The following HPS4 variants were observed in gnomAD, a reference collection of about 807,000 sequenced individuals.
HPS4 encodes the protein BLOC-3 complex member HPS4.
Under a neutral mutation model 70.3 loss-of-function variants are expected in HPS4, and 44 were observed. The ratio of observed to expected loss-of-function variants is 0.63; its 90% confidence interval spans 0.49 to 0.80. The LOEUF is 0.80. Ranked by LOEUF, HPS4 falls within the 30% of genes least tolerant of loss-of-function variation. The probability of loss-of-function intolerance (pLI) is 0.00; values close to 1 mark genes in which losing one functional copy is unlikely to be tolerated. For missense variants in HPS4, 873 were observed against 884.4 expected (o/e 0.99, Z 0.16); for synonymous variants, 377 against 355.9 (o/e 1.06, Z -0.67).
chr22:26,446,442 C>T (rs560939673), downstream of HPS4, among the ~76,000 whole-genome samples: 63 of 152,212 alleles, frequency 4.1e-4, 2 homozygotes, highest in South Asian at 0.013. Context: ...TGTGGCTGCA[C>T]GATGCAGTCA....
chr22:26,443,193 C>T, downstream of HPS4: 1 of 1,614,086 alleles, frequency 6.2e-7, no homozygotes. Context: ...TTCATCTTTG[C>T]TCCGGGACGA....
In HPS4 at chr22:26,465,593, CAG is replaced by C. The variant is rs758535034; in HGVS notation, c.707-44_707-43del. 2.0e-6 allele frequency: 3 copies of C among 1,523,592 alleles called. No individual in the cohort carries two copies. The South Asian group carries it at 3.4e-5, about 17-fold the overall frequency. The allele number at this position is 1,523,592 out of a possible 1,614,324, so 94.4% of individuals were successfully genotyped here. ...ATATGAACAGGACTTTCCCCTGAGCCAGAGAGGGCAGCGGGGCAATAGCTGCA... is the reference window on the plus strand; with the variant it reads ...ATATGAACAGGACTTTCCCCTGAGCCAGAGGGCAGCGGGGCAATAGCTGCA... On this transcript the variant is annotated intron_variant, in intron 9 of 13. Transcript: ENST00000398145.
chr22:26,467,210 T>C (rs918611661), intron 8 of HPS4: 2 of 152,244 alleles, frequency 1.3e-5, no homozygotes, highest in Non-Finnish European at 1.5e-5. Context: ...ATGAGTAAAT[T>C]AATCATTTAC....
At chr22:26,477,241 C>A in intron 3 of HPS4, 105 bp from the exon 4 acceptor site, 1 of 1,200,180 alleles carries the variant, frequency 8.3e-7, no homozygotes. Flanking sequence ...GTCTGTTACC[C>A]GTTTTCCTAT....
chr22:26,446,898 T>C (rs1295436385), downstream of HPS4, among the ~76,000 whole-genome samples: 1 of 152,168 alleles, frequency 6.6e-6, no homozygotes, highest in Non-Finnish European at 1.5e-5. Flanking sequence ...TGGCTAATTC[T>C]TGTATTTTTA....
downstream of HPS4, among the ~76,000 whole-genome samples, chr22:26,449,448 G>A (rs1190443524): frequency 6.0e-5 from 9 of 150,610 alleles, no homozygotes; most frequent in Non-Finnish European, 8.8e-5. Flanking sequence ...CTCCGGCTTC[G>A]GCCTCCCGAG....
At chr22:26,458,050 G>C (rs1204174189) in intron 12 of HPS4, 83 bp from the exon 13 acceptor site, 3 of 1,145,896 alleles carry the variant, frequency 2.6e-6, no homozygotes, top group Non-Finnish European at 3.8e-6. Context: ...ACTGAACACG[G>C]GGACTGAGCA....
intron 11 of HPS4, among the ~76,000 whole-genome samples, chr22:26,461,074 G>C (rs1251650629): frequency 4.6e-5 from 7 of 152,214 alleles, no homozygotes; most frequent in African/African-American, 1.4e-4. Flanking sequence ...AGGCAACACA[G>C]AGCTGAGGCT....
At chr22:26,460,981 T>G (rs1268795113) in intron 11 of HPS4, among the ~76,000 whole-genome samples, 1 of 152,178 alleles carries the variant, frequency 6.6e-6, no homozygotes, top group African/African-American at 2.4e-5. Flanking sequence ...AAGCTGAAAA[T>G]ATTTGCTTTC....
chr22:26,470,827 G>A lies in HPS4; in HGVS notation c.502-14C>T. 3 of 1,614,106 alleles carry A rather than the reference G, an allele frequency of 1.9e-6. No individual in the cohort carries two copies. Among genetic ancestry groups the A allele is most frequent in the Non-Finnish European group, 2.5e-6 (3 of 1,179,988 alleles). ...CAGGGGCTCCACCTGTGCAGGGCAA[G>A]AGGCATCATGCCCACCCATCAGCAT... is the stretch of plus-strand genomic sequence containing the variant. On this transcript the variant is annotated splice_polypyrimidine_tract_variant and intron_variant, in intron 6 of 13. Transcript: ENST00000398145.
chr22:26,477,084 C>A lies in HPS4; in HGVS notation c.185G>T (p.Arg62Leu), dbSNP rs777170572. 1 of 1,614,072 alleles carries A rather than the reference C, an allele frequency of 6.2e-7. No homozygotes were observed. Among genetic ancestry groups the A allele is most frequent in the Non-Finnish European group, 8.5e-7 (1 of 1,179,944 alleles). ...AGAGTCAGAAATGTCAGAAACACAG[C>A]GGACAACTCCAGCAATCTGTCCACA... ...LLCGQIAGVV[R>L]CVSDISDSPP... is the part of the protein sequence containing the mutation. Residue 62 changes from arginine to leucine, a missense_variant, in exon 4 of 14, where the codon CGC becomes CTC. Coordinates refer to ENST00000398145, the MANE Select transcript of HPS4 (RefSeq NM_022081.6).
At chr22:26,447,088 C>G (rs2084977728), downstream of HPS4, among the ~76,000 whole-genome samples, 1 of 152,214 alleles carries the variant, frequency 6.6e-6, no homozygotes, top group South Asian at 2.1e-4. Flanking sequence ...ACCATAACAT[C>G]CCCATGCTCA....
chr22:26,462,695 A>G (rs1235317118), intron 11 of HPS4, among the ~76,000 whole-genome samples: 1 of 152,196 alleles, frequency 6.6e-6, no homozygotes, highest in Non-Finnish European at 1.5e-5. Context: ...AAGGCTCGAC[A>G]CTGTGCAGAA....
chr22:26,472,727 G>A (rs796763715), intron 5 of HPS4, 105 bp downstream of exon 5: 2 of 913,788 alleles, frequency 2.2e-6, no homozygotes, highest in East Asian at 2.4e-5. Flanking sequence ...CAGACACAAT[G>A]TGTTTATATG....
At chr22:26,455,025 C>T (rs2085848131) in intron 13 of HPS4, among the ~76,000 whole-genome samples, 1 of 152,196 alleles carries the variant, frequency 6.6e-6, no homozygotes, top group Non-Finnish European at 1.5e-5. Context: ...ATCAAAACCA[C>T]AATGAGATAC....
chr22:26,472,646 G>A (rs2089996071), intron 5 of HPS4, among the ~76,000 whole-genome samples, 186 bp downstream of exon 5: 1 of 152,208 alleles, frequency 6.6e-6, no homozygotes, highest in Non-Finnish European at 1.5e-5. Context: ...TAAACATTTG[G>A]AATAAATGTG....
chr22:26,478,608 T>C (rs1000071036), intron 3 of HPS4, among the ~76,000 whole-genome samples: 4 of 150,726 alleles, frequency 2.7e-5, no homozygotes, highest in African/African-American at 7.3e-5. Context: ...GTATTGATAA[T>C]TGTTGAAGCT....
chr22:26,465,965 G>T, intron 9 of HPS4: 2 of 1,154,046 alleles, frequency 1.7e-6, no homozygotes, highest in Non-Finnish European at 2.5e-6. Context: ...CAATCTCCTG[G>T]CACTTGACCG....
chr22:26,458,348 A>G, intron 12 of HPS4, 97 bp downstream of exon 12: 1 of 1,478,260 alleles, frequency 6.8e-7, no homozygotes, highest in Non-Finnish European at 9.4e-7. Flanking sequence ...AACTCTGTGC[A>G]CAGCCGTGTC....
Sources: gnomAD v4.1 joint callset for allele counts (sites outside exome capture counted in the v4.1 genomes callset) on GRCh38, gnomAD v4.1.1 for gene constraint, MANE v1.5 for transcripts, NCBI Gene and HGNC (gene_info 2026-07-23, HGNC 2026-07-21) for gene names.